Variants in SPPL3 observed in about 807,000 individuals in gnomAD.
SPPL3 encodes the protein signal peptide peptidase-like 3.
A neutral mutation model predicts 42.4 loss-of-function variants in SPPL3; 5 were observed. The ratio of observed to expected loss-of-function variants is 0.12; its 90% CI spans 0.06 to 0.25. The LOEUF (loss-of-function observed/expected upper bound fraction) is 0.25. SPPL3 is among the 10% of genes least tolerant of loss of function. The probability of loss-of-function intolerance (pLI) is 1.00; values close to 1 mark genes in which losing one functional copy is unlikely to be tolerated. For missense variants in SPPL3, 235 were observed against 489.0 expected, an observed-to-expected ratio of 0.48 and a Z score of 4.90; for synonymous variants, 195 against 181.8, an observed-to-expected ratio of 1.07 and a Z score of -0.58.
chr12:120,798,901 G>A (rs1001835131), intron 2 of SPPL3, among the ~76,000 whole-genome samples: 9 of 152,222 alleles, frequency 5.9e-5, no homozygotes, highest in African/African-American at 2.2e-4. Flanking sequence ...CAGCTGCTAC[G>A]GAGCCTCTCC....
At chr12:120,782,606 T>C (rs1555247578) in intron 6 of SPPL3, 49 bp downstream of exon 6, 1 of 1,379,238 alleles carries the variant, frequency 7.3e-7, no homozygotes, top group Non-Finnish European at 1.0e-6. Flanking sequence ...AAAGTATCTA[T>C]AAAACTCTAT....
At chr12:120,786,599 T>C (rs952675590) in intron 3 of SPPL3, among the ~76,000 whole-genome samples, 2 of 152,128 alleles carry the variant, frequency 1.3e-5, no homozygotes, top group African/African-American at 4.8e-5. Context: ...TGCAATTACA[T>C]GCGAAACTGA....
At chr12:120,852,983 C>T (rs1872312045) in intron 1 of SPPL3, among the ~76,000 whole-genome samples, 1 of 151,076 alleles carries the variant, frequency 6.6e-6, no homozygotes, top group Non-Finnish European at 1.5e-5. Context: ...CAACCTCCAC[C>T]TCTTGGGTTC....
chr12:120,888,832 C>G (rs941948860), intron 1 of SPPL3, among the ~76,000 whole-genome samples: 5 of 151,852 alleles, frequency 3.3e-5, no homozygotes, highest in African/African-American at 7.3e-5. Context: ...TTTTTGAGAC[C>G]GGGTCTTGCT....
chr12:120,864,818 A>T (rs1356751813), intron 1 of SPPL3, among the ~76,000 whole-genome samples: 2 of 152,210 alleles, frequency 1.3e-5, no homozygotes, highest in Non-Finnish European at 2.9e-5. Flanking sequence ...CACACAAAGC[A>T]TTAAAAAGAT....
chr12:120,773,053 G>A (rs547239142), intron 6 of SPPL3, among the ~76,000 whole-genome samples: 4 of 152,300 alleles, frequency 2.6e-5, no homozygotes, highest in African/African-American at 9.6e-5. Flanking sequence ...CTAATGAAAT[G>A]TATTAGTCAG....
In SPPL3 at chr12:120,765,017, G is replaced by A. The variant is rs1226265838; in HGVS notation, c.1137C>T (p.Ser379=). ...TGATCCATCATACTTCCAGGAATCGGGAGCTGCTGGACTTGGAGTGGAAAG... is the reference window on the plus strand; with the variant it reads ...TGATCCATCATACTTCCAGGAATCGAGAGCTGCTGGACTTGGAGTGGAAAG... ...SEPFHSKSSS[S]RFLEV The change falls in exon 11 of 11, where the codon TCC becomes TCT. Residue 379 remains serine, a synonymous_variant. Coordinates refer to ENST00000353487, the MANE Select transcript of SPPL3 (RefSeq NM_139015.5). 15 of 1,613,736 alleles carry A rather than the reference G, an allele frequency of 9.3e-6. No homozygotes were observed. Among genetic ancestry groups the A allele is most frequent in the Non-Finnish European group, 1.3e-5 (15 of 1,179,882 alleles).
intron 1 of SPPL3, among the ~76,000 whole-genome samples, chr12:120,888,331 CTT>C (rs1873528344): frequency 6.6e-6 from 1 of 152,186 alleles, no homozygotes; most frequent in Non-Finnish European, 1.5e-5. Flanking sequence ...CTGCCTCAGC[CTT>C]TCAAAGTGCT....
intron 2 of SPPL3, among the ~76,000 whole-genome samples, chr12:120,794,601 T>A (rs1870038430): frequency 6.6e-6 from 1 of 152,142 alleles, no homozygotes; most frequent in Non-Finnish European, 1.5e-5. Context: ...TTTCACTATG[T>A]TGGCCAGGCT....
chr12:120,900,170 A>T (rs987975350), intron 1 of SPPL3, among the ~76,000 whole-genome samples: 4 of 152,162 alleles, frequency 2.6e-5, no homozygotes, highest in African/African-American at 9.7e-5. Flanking sequence ...ACATCTTATT[A>T]TACGAAAATC....
At chr12:120,794,062 A>G (rs1330005320) in intron 2 of SPPL3, among the ~76,000 whole-genome samples, 1 of 152,094 alleles carries the variant, frequency 6.6e-6, no homozygotes, top group Non-Finnish European at 1.5e-5. Context: ...TGCTTCATGT[A>G]TTTTGAAGAT....
intron 2 of SPPL3, among the ~76,000 whole-genome samples, chr12:120,792,959 C>T (rs623857): frequency 0.76 from 115,074 of 152,062 alleles, 44,654 homozygotes; most frequent in African/African-American, 0.92. Context: ...ACTTACGTGC[C>T]TCAAAGGACA....
intron 1 of SPPL3, among the ~76,000 whole-genome samples, chr12:120,830,942 A>G (rs1238124948): frequency 1.3e-5 from 2 of 152,002 alleles, no homozygotes; most frequent in Non-Finnish European, 2.9e-5. Flanking sequence ...TGTGTGTGAG[A>G]GTGTTTCTGG....
chr12:120,764,588 G>A lies in SPPL3; in HGVS notation c.*411C>T. 3.2e-6 allele frequency: 1 copy of A among 314,538 alleles called. No individual in the cohort carries two copies. Among genetic ancestry groups the A allele is most frequent in the Non-Finnish European group, 5.7e-6 (1 of 173,964 alleles). The allele number at this position is 314,538 out of a possible 1,614,324, so 19.5% of individuals were successfully genotyped here. ...GGAAACTGGTCCCAAAGTTCTCGAGGGGTCATTGAAGAAACTTCGGTTTGC... is the reference window on the plus strand; with the variant it reads ...GGAAACTGGTCCCAAAGTTCTCGAGAGGTCATTGAAGAAACTTCGGTTTGC... On this transcript the variant is annotated 3_prime_UTR_variant, in exon 11 of 11. Coordinates refer to ENST00000353487, the MANE Select transcript of SPPL3 (RefSeq NM_139015.5).
At chr12:120,834,165 C>T (rs1871530281) in intron 1 of SPPL3, among the ~76,000 whole-genome samples, 1 of 152,160 alleles carries the variant, frequency 6.6e-6, no homozygotes, top group South Asian at 2.1e-4. Context: ...AAGGAAACCA[C>T]TACAGATGGA....
intron 1 of SPPL3, among the ~76,000 whole-genome samples, chr12:120,880,001 T>C (rs1274447753): frequency 6.6e-6 from 1 of 151,786 alleles, no homozygotes; most frequent in African/African-American, 2.4e-5. Context: ...TTTTCACTTT[T>C]CATTCCTCGG....
intron 1 of SPPL3, among the ~76,000 whole-genome samples, chr12:120,851,232 T>C (rs1177453325): frequency 6.6e-6 from 1 of 152,224 alleles, no homozygotes; most frequent in Non-Finnish European, 1.5e-5. Flanking sequence ...AACTAGAGCA[T>C]ATGGCCCTAG....
At chr12:120,892,556 G>A (rs1307954302) in intron 1 of SPPL3, among the ~76,000 whole-genome samples, 17 of 152,218 alleles carry the variant, frequency 1.1e-4, no homozygotes, top group Non-Finnish European at 1.2e-4. Context: ...TGTGGCTGAA[G>A]TAACACGTAA....
chr12:120,779,818 T>TAAAAAAA (rs1869459734), intron 6 of SPPL3, among the ~76,000 whole-genome samples: 2 of 2,136 alleles, frequency 9.4e-4, no homozygotes, highest in African/African-American at 2.4e-3. Flanking sequence ...CTACTAAAAA[T>TAAAAAAA]ACAAAAAAAA....
Sources: gnomAD v4.1 joint callset for allele counts (sites outside exome capture counted in the v4.1 genomes callset) on GRCh38, gnomAD v4.1.1 for gene constraint, MANE v1.5 for transcripts, NCBI Gene and HGNC (gene_info 2026-07-23, HGNC 2026-07-21) for gene names.